The following ABCC4 variants were observed in gnomAD, a reference collection of about 807,000 sequenced individuals.
ABCC4 encodes the protein ATP binding cassette subfamily C member 4 (PEL blood group).
In ABCC4, 102 loss-of-function variants were observed where a neutral mutation model predicts 168.5. The ratio of observed to expected loss-of-function variants is 0.61; its 90% confidence interval spans 0.52 to 0.71. ABCC4 has a LOEUF of 0.71. Among genes scored for constraint, ABCC4 ranks in the 30% least tolerant of loss-of-function variants. The pLI is 0.00. For missense variants in ABCC4, 1,402 were observed against 1,605.8 expected, an observed-to-expected ratio of 0.87 and a Z score of 2.17; for synonymous variants, 617 against 590.7, an observed-to-expected ratio of 1.04 and a Z score of -0.65.
At chr13:95,108,680 C>T (rs887171689) in intron 20 of ABCC4, among the ~76,000 whole-genome samples, 18 of 148,700 alleles carry the variant, frequency 1.2e-4, no homozygotes, top group African/African-American at 4.5e-4. Context: ...CAGAGTGTGT[C>T]GTCCAGGCTG....
intron 7 of ABCC4, among the ~76,000 whole-genome samples, chr13:95,207,518 A>G (rs529088645): frequency 1.3e-5 from 2 of 152,248 alleles, no homozygotes; most frequent in Non-Finnish European, 2.9e-5. Context: ...CTAACATCTT[A>G]GACTCATTGT....
At chr13:95,098,248 T>G (rs1454510419) in intron 20 of ABCC4, among the ~76,000 whole-genome samples, 1 of 151,950 alleles carries the variant, frequency 6.6e-6, no homozygotes, top group Non-Finnish European at 1.5e-5. Flanking sequence ...AGTATAACTT[T>G]AAATGCATAT....
At chr13:95,216,753 T>C (rs958243400) in intron 4 of ABCC4, among the ~76,000 whole-genome samples, 1 of 152,162 alleles carries the variant, frequency 6.6e-6, no homozygotes, top group South Asian at 2.1e-4. Flanking sequence ...ACAGTGATTA[T>C]TAAAATATAA....
intron 4 of ABCC4, among the ~76,000 whole-genome samples, chr13:95,226,239 G>A (rs1171630805): frequency 2.0e-5 from 3 of 151,724 alleles, no homozygotes; most frequent in African/African-American, 7.3e-5. Context: ...TTGAAAAGCT[G>A]ATTCTAAAGT....
intron 20 of ABCC4, among the ~76,000 whole-genome samples, chr13:95,099,664 C>A (rs1213756923): frequency 1.3e-5 from 2 of 152,106 alleles, no homozygotes; most frequent in African/African-American, 4.8e-5. Context: ...CTAATGGTAA[C>A]CAGCCCATGT....
chr13:95,085,243 A>T (rs1406931667), intron 20 of ABCC4, among the ~76,000 whole-genome samples: 1 of 151,388 alleles, frequency 6.6e-6, no homozygotes, highest in Non-Finnish European at 1.5e-5. Flanking sequence ...GTTGGAGACC[A>T]GCCTGGCCAA....
At position 95,269,437 on chromosome 13, in the gene ABCC4, ATATAT is replaced by A. The variant is rs1566586379; in HGVS notation, c.75-21689_75-21685del. ...CGAGACTCCATCTCAAAAAAAAAAT[ATATAT>A]ATATATATATATATATACACACAAC... On this transcript the variant is annotated intron_variant, in intron 1 of 30. Transcript: ENST00000645237. The A allele has an allele frequency of 5.2e-3, 518 of 99,432 alleles. 1 individual carries two copies. Among genetic ancestry groups the A allele is most frequent in the African/African-American group, 0.027 (410 of 15,098 alleles). 6.2% of individuals were successfully genotyped at this position (99,432 alleles called of 1,614,324 possible). A position where few individuals can be genotyped will look rare whatever the true frequency, so the allele number is the denominator to read the frequency against.
intron 19 of ABCC4, among the ~76,000 whole-genome samples, chr13:95,152,171 T>C (rs4148505): frequency 0.19 from 28,796 of 152,134 alleles, 3,490 homozygotes; most frequent in African/African-American, 0.34. Context: ...TGTACGGTTT[T>C]TCTCTTCAGG....
chr13:95,025,268 CACCCCCA>C (rs2031409353), intron 30 of ABCC4, among the ~76,000 whole-genome samples: 1 of 52,548 alleles, frequency 1.9e-5, no homozygotes, highest in African/African-American at 9.3e-5. Flanking sequence ...CACACCCCCA[CACCCCCA>C]CACACACCCC....
chr13:95,215,378 G>A (rs9524836), intron 4 of ABCC4, among the ~76,000 whole-genome samples: 112,861 of 151,558 alleles, frequency 0.74, 42,811 homozygotes, highest in Non-Finnish European at 0.84. Flanking sequence ...TCCAGCCGGG[G>A]TGACAAAGTG....
At chr13:95,198,376 A>ATTTCT (rs2038522830) in intron 8 of ABCC4, among the ~76,000 whole-genome samples, 1 of 152,256 alleles carries the variant, frequency 6.6e-6, no homozygotes, top group Admixed American at 6.5e-5. Flanking sequence ...ATCACTGGTC[A>ATTTCT]TTAAAGAAAT....
At chr13:95,232,133 G>A (rs1425480532) in intron 4 of ABCC4, among the ~76,000 whole-genome samples, 1 of 151,600 alleles carries the variant, frequency 6.6e-6, no homozygotes, top group African/African-American at 2.4e-5. Context: ...TGATGATGGT[G>A]GTGGTGGTGG....
At chr13:95,052,623 C>A (rs1370003018) in intron 27 of ABCC4, among the ~76,000 whole-genome samples, 1 of 152,092 alleles carries the variant, frequency 6.6e-6, no homozygotes, top group Non-Finnish European at 1.5e-5. Flanking sequence ...AATTATTATC[C>A]CATTCCAACT....
intron 30 of ABCC4, among the ~76,000 whole-genome samples, chr13:95,025,226 CACACACCCATACA>C (rs2031382831): frequency 2.2e-5 from 1 of 44,672 alleles, no homozygotes; most frequent in African/African-American, 9.0e-5. Context: ...CACACCCCCA[CACACACCCATACA>C]CACACACCCA....
At chr13:95,219,945 T>C (rs1372300427) in intron 4 of ABCC4, among the ~76,000 whole-genome samples, 8 of 150,662 alleles carry the variant, frequency 5.3e-5, no homozygotes, top group Non-Finnish European at 8.8e-5. Context: ...AACCTCCACC[T>C]CCCAGATTCA....
intron 30 of ABCC4, among the ~76,000 whole-genome samples, chr13:95,028,914 C>T (rs2031674737): frequency 6.6e-6 from 1 of 151,784 alleles, no homozygotes; most frequent in Non-Finnish European, 1.5e-5. Context: ...GCCTGTAATC[C>T]CAGCACTTTG....
At chr13:95,055,285 T>G (rs2033011415) in intron 26 of ABCC4, among the ~76,000 whole-genome samples, 1 of 152,244 alleles carries the variant, frequency 6.6e-6, no homozygotes, top group African/African-American at 2.4e-5. Context: ...AATTCCAACC[T>G]CTGCAGGCAG....
intron 25 of ABCC4, among the ~76,000 whole-genome samples, chr13:95,064,242 C>G (rs1352857740): frequency 3.6e-5 from 1 of 27,744 alleles, no homozygotes; most frequent in Non-Finnish European, 7.2e-5. Context: ...ATAGGTACAT[C>G]CGGGTGTGTG....
chr13:95,082,823 G>A (rs1031088952), intron 21 of ABCC4, among the ~76,000 whole-genome samples: 17 of 152,040 alleles, frequency 1.1e-4, no homozygotes, highest in African/African-American at 3.9e-4. Context: ...ATTAAGTGCC[G>A]GCTTTGTGTA....
Sources: gnomAD v4.1 joint callset for allele counts (sites outside exome capture counted in the v4.1 genomes callset) on GRCh38, gnomAD v4.1.1 for gene constraint, MANE v1.5 for transcripts, NCBI Gene and HGNC (gene_info 2026-07-23, HGNC 2026-07-21) for gene names.